IRX1: variants seen among roughly 807,000 people sequenced by gnomAD.
IRX1 encodes the protein iroquois-class homeodomain protein IRX-1.
In IRX1, 22 loss-of-function variants were observed where a neutral mutation model predicts 34.1. That is an observed-to-expected ratio of 0.64 (90% CI 0.46 to 0.92). The LOEUF is 0.92. IRX1 is among the 40% of genes least tolerant of loss of function. The pLI, the probability that IRX1 is intolerant of heterozygous loss-of-function variation, is 0.00. For missense variants in IRX1, 758 were observed against 680.0 expected (o/e 1.11, Z -1.28); for synonymous variants, 363 against 319.0 (o/e 1.14, Z -1.47).
intron 3 of IRX1, 72 bp downstream of exon 3, chr5:3,600,753 C>A (rs1327818671): frequency 1.4e-5 from 20 of 1,425,646 alleles, no homozygotes; most frequent in Non-Finnish European, 1.8e-5. Context: ...GGGACCCGGG[C>A]GGAGCTGGCT....
Position 3,599,756 on chromosome 5 carries a change from G to A in IRX1, c.808G>A (p.Ala270Thr), listed in dbSNP as rs750836594. 4.3e-6 allele frequency: 7 copies of A among 1,609,960 alleles called. No homozygotes were observed. In the Admixed American group the frequency reaches 8.4e-5, roughly 19 times the overall value. ...TGCCCGGGACCAAGGCTCGCCGCTG[G>A]CAGCAGCCGACGTTCTCAAGCCCCA... ...ALARDQGSPL[A>T]AADVLKPQDS... Residue 270 changes from alanine to threonine, a missense_variant, in exon 2 of 4, where the codon GCA becomes ACA. Physicochemically the swap from Ala to Thr is moderately conservative, Grantham distance 58. Around this residue, in one of 3 missense-constraint regions of IRX1, gnomAD observed 529 missense variants for 418.8 expected, o/e 1.26. Transcript: ENST00000302006. The surrounding 1 kb of genome is among the most constrained non-coding windows in gnomAD (Gnocchi z 6.6).
Position 3,595,956 on chromosome 5 carries a change from A to T in IRX1, c.-150A>T. ...GGCAGAGGAGCCGCGACCGGCCTCC[A>T]TCTCCCGGCCCGCCCGAGCGCGCCC... On this transcript the variant is annotated 5_prime_UTR_variant, in exon 1 of 4. Coordinates refer to ENST00000302006, the MANE Select transcript of IRX1 (RefSeq NM_024337.4). The T allele has an allele frequency of 6.4e-6, 2 of 312,824 alleles. No homozygotes were observed. The highest frequency in any genetic ancestry group is 9.4e-6 in the Non-Finnish European group (2 of 213,286). The allele number at this position is 312,824 out of a possible 1,614,324, so 19.4% of individuals were successfully genotyped here.
chr5:3,597,522 C>A (rs1435880512), intron 1 of IRX1, among the ~76,000 whole-genome samples: 1 of 152,190 alleles, frequency 6.6e-6, no homozygotes, highest in Non-Finnish European at 1.5e-5. Flanking sequence ...GAAAGCGGCC[C>A]GGCTGCCTTT....
At position 3,599,392 on chromosome 5, in the gene IRX1, G is replaced by A. The variant is rs370898776; in HGVS notation, c.444G>A (p.Glu148=). The A allele has an allele frequency of 1.2e-5, 19 of 1,613,990 alleles. No homozygotes were observed. The highest frequency in any genetic ancestry group is 2.2e-5 in the East Asian group (1 of 44,840). The part of the protein sequence containing the change: ...STSTLKAWLN[E]HRKNPYPTKG... ...GCACGCTCAAGGCCTGGCTCAACGA[G>A]CACCGCAAGAATCCCTACCCCACCA... The change falls in exon 2 of 4, where the codon GAG becomes GAA. Residue 148 remains glutamate, a synonymous_variant. Coordinates refer to ENST00000302006, the MANE Select transcript of IRX1 (RefSeq NM_024337.4). The surrounding 1 kb of genome is among the most constrained non-coding windows in gnomAD (Gnocchi z 6.6).
rs1733873048 is a variant in IRX1, at chr5:3,599,165, T to C, written c.277-60T>C. The stretch of plus-strand genomic sequence containing the variant: ...GGGGACTCATGTCTCTCTCTCTCTC[T>C]CCCTTTCTCTCTCCACTTCCCTCCT... On this transcript the variant is annotated intron_variant, in intron 1 of 3. Coordinates refer to ENST00000302006, the MANE Select transcript of IRX1 (RefSeq NM_024337.4). This position sits in a 1 kb window ranked among gnomAD's most constrained non-coding sequence, Gnocchi z 6.6. 7 of 1,503,074 alleles carry C rather than the reference T, an allele frequency of 4.7e-6. No individual in the cohort carries two copies. Among genetic ancestry groups the C allele is most frequent in the African/African-American group, 1.4e-5 (1 of 72,392 alleles). 93.1% of individuals were successfully genotyped at this position (1,503,074 alleles called of 1,614,324 possible). A position where few individuals can be genotyped will look rare whatever the true frequency, so the allele number is the denominator to read the frequency against.
At chr5:3,600,295 C>G in intron 2 of IRX1, 35 bp downstream of exon 2, 1 of 1,515,140 alleles carries the variant, frequency 6.6e-7, no homozygotes, top group South Asian at 1.3e-5. Context: ...TGTCCCCTAG[C>G]TGGGAATGCA....
In IRX1 at chr5:3,596,193, G is replaced by A. The variant is rs1287764649; in HGVS notation, c.88G>A (p.Ala30Thr). ...YGGERPGVLA[A>T]AAAAAAAASS... ...CGGCGAGCGCCCGGGGGTGCTGGCC[G>A]CGGCCGCTGCGGCGGCTGCCGCCGC... Residue 30 changes from alanine to threonine, a missense_variant, in exon 1 of 4, where the codon GCG becomes ACG. Physicochemically the swap from Ala to Thr is moderately conservative, Grantham distance 58. Coordinates refer to ENST00000302006, the MANE Select transcript of IRX1 (RefSeq NM_024337.4). 1.7e-5 allele frequency: 17 copies of A among 1,029,602 alleles called. No individual in the cohort carries two copies. Among genetic ancestry groups the A allele is most frequent in the African/African-American group, 1.7e-5 (1 of 57,698 alleles). 63.8% of individuals were successfully genotyped at this position (1,029,602 alleles called of 1,614,324 possible).
chr5:3,597,054 T>G (rs1040714651), intron 1 of IRX1, among the ~76,000 whole-genome samples: 1 of 152,228 alleles, frequency 6.6e-6, no homozygotes, highest in African/African-American at 2.4e-5. Context: ...TTGATTTTAC[T>G]TTTGTAAGTT....
chr5:3,595,859 A>G lies in IRX1; in HGVS notation c.-247A>G, dbSNP rs1276071764. 6.6e-6 allele frequency among the ~76,000 whole-genome samples: 1 copy of G among 150,852 alleles called. No homozygotes were observed. The highest frequency in any genetic ancestry group is 1.5e-5 in the Non-Finnish European group (1 of 67,530). The stretch of plus-strand genomic sequence containing the variant: ...GTCTGAAAGCCCCGCCGCCGAGCGG[A>G]GGGCGGCCGCCGCAGTCGGCGCGCG... On this transcript the variant is annotated 5_prime_UTR_variant, in exon 1 of 4. Transcript: ENST00000302006.
rs1292249112 is a variant in IRX1, at chr5:3,601,126, C to T, written c.*86C>T. The T allele has an allele frequency of 3.3e-6, 4 of 1,228,382 alleles. No individual in the cohort carries two copies. The highest frequency in any genetic ancestry group is 4.8e-6 in the Non-Finnish European group (4 of 841,860). 76.1% of individuals were successfully genotyped at this position (1,228,382 alleles called of 1,614,324 possible). On this transcript the variant is annotated 3_prime_UTR_variant, in exon 4 of 4. Transcript: ENST00000302006. ...GTGGGAGGAATTAAGACAAATATTT[C>T]AGACTGGTGTAAAGGACAAATATGA...
chr5:3,600,742 C>G, intron 3 of IRX1, 61 bp downstream of exon 3: 2 of 1,451,320 alleles, frequency 1.4e-6, no homozygotes, highest in Non-Finnish European at 1.9e-6. Flanking sequence ...GAGGAGTGGT[C>G]GGGACCCGGG....
intron 1 of IRX1, among the ~76,000 whole-genome samples, chr5:3,598,156 T>C (rs1050569863): frequency 3.9e-5 from 6 of 152,174 alleles, no homozygotes; most frequent in African/African-American, 7.2e-5. Context: ...GCCATTATAA[T>C]TGGGTGTTTG....
Position 3,600,626 on chromosome 5 carries a change from A to G in IRX1, c.1330A>G (p.Arg444Gly). 2 of 1,613,664 alleles carry G rather than the reference A, an allele frequency of 1.2e-6. No homozygotes were observed. The highest frequency in any genetic ancestry group is 1.7e-6 in the Non-Finnish European group (2 of 1,179,886). The change falls in exon 3 of 4, where the codon AGG becomes GGG. Residue 444 changes from arginine to glycine, a missense_variant. Physicochemically the swap from Arg to Gly is moderately radical, Grantham distance 125 (BLOSUM62 -2). Coordinates refer to ENST00000302006, the MANE Select transcript of IRX1 (RefSeq NM_024337.4). ...PTLPERDLVP[R>G]PDSPAQQLKS... ...TCTCGCAGAGAGAGACCTCGTCCCCAGGCCAGATTCGCCGGCACAGCAGTT... is the reference window on the plus strand; with the variant it reads ...TCTCGCAGAGAGAGACCTCGTCCCCGGGCCAGATTCGCCGGCACAGCAGTT...
intron 1 of IRX1, among the ~76,000 whole-genome samples, chr5:3,598,120 C>A (rs1423510414): frequency 6.6e-6 from 1 of 152,178 alleles, no homozygotes; most frequent in Non-Finnish European, 1.5e-5. Context: ...CAAACCCAAA[C>A]CCTGATTCTA....
Position 3,596,230 on chromosome 5 carries a change from G to A in IRX1, c.125G>A (p.Arg42Gln), listed in dbSNP as rs1291945996. 3.5e-6 allele frequency: 4 copies of A among 1,140,142 alleles called. 1 individual carries two copies. The African/African-American group carries it at 6.6e-5, about 19-fold the overall frequency. 70.6% of individuals were successfully genotyped at this position (1,140,142 alleles called of 1,614,324 possible). The change falls in exon 1 of 4, where the codon CGA (arginine) becomes CAA (glutamine). Residue 42 changes from arginine to glutamine, a missense_variant. This residue lies in a region of IRX1 where 195 missense variants were observed against 195.0 expected (regional missense o/e 1.00). Transcript: ENST00000302006. ...AAAAAAASSG[R>Q]PGAAELGGGA... is the part of the protein sequence containing the mutation. The stretch of plus-strand genomic sequence containing the variant: ...GCGGCTGCCGCCGCCTCGTCGGGCC[G>A]ACCGGGGGCCGCGGAGCTGGGCGGC...
intron 1 of IRX1, 137 bp downstream of exon 1, chr5:3,596,518 C>T: frequency 1.1e-6 from 1 of 931,346 alleles, no homozygotes; most frequent in Non-Finnish European, 1.4e-6. Context: ...GGCAGGTTCC[C>T]GGTGGCCGAG....
At chr5:3,597,590 C>G (rs972917394) in intron 1 of IRX1, among the ~76,000 whole-genome samples, 5 of 152,282 alleles carry the variant, frequency 3.3e-5, no homozygotes, top group Admixed American at 3.3e-4. Context: ...GCGGGGAGGC[C>G]GGGACGCGAT....
chr5:3,600,061 C>T lies in IRX1; in HGVS notation c.1113C>T (p.Phe371=), dbSNP rs1285533730. The stretch of plus-strand genomic sequence containing the variant: ...TGTACACCTGCCACATCGGCAAGTT[C>T]TCCAACTGGACCAACAGCGCATTCC... ...HGLYTCHIGK[F]SNWTNSAFLA... is the part of the protein sequence containing the mutation. Residue 371 remains phenylalanine, a synonymous_variant, in exon 2 of 4, where the codon TTC becomes TTT. Coordinates refer to ENST00000302006, the MANE Select transcript of IRX1 (RefSeq NM_024337.4). The T allele has an allele frequency of 6.2e-7, 1 of 1,609,142 alleles. No individual in the cohort carries two copies. The highest frequency in any genetic ancestry group is 2.2e-5 in the East Asian group (1 of 44,742).
rs746283869 is a variant in IRX1, at chr5:3,600,078, G to A, written c.1130G>A (p.Ser377Asn). 3 of 1,612,492 alleles carry A rather than the reference G, an allele frequency of 1.9e-6. No individual in the cohort carries two copies. Among genetic ancestry groups the A allele is most frequent in the Admixed American group, 1.7e-5 (1 of 59,970 alleles). ...GGCAAGTTCTCCAACTGGACCAACA[G>A]CGCATTCCTCGCACAGGGCTCCCTG... ...HIGKFSNWTN[S>N]AFLAQGSLLN... Residue 377 changes from serine (S) to asparagine (N), a missense_variant, in exon 2 of 4, where the codon AGC (serine) becomes AAC (asparagine). Coordinates refer to ENST00000302006, the MANE Select transcript of IRX1 (RefSeq NM_024337.4).
Sources: gnomAD v4.1 joint callset for allele counts (sites outside exome capture counted in the v4.1 genomes callset) on GRCh38, gnomAD v4.1.1 for gene constraint, gnomAD v4.1.1 regional missense constraint, Gnocchi (gnomAD v3.1) non-coding constraint, MANE v1.5 for transcripts, NCBI Gene and HGNC (gene_info 2026-07-23, HGNC 2026-07-21) for gene names.